RYR2: variants seen among roughly 807,000 people sequenced by gnomAD.
The protein encoded by RYR2 is cardiac muscle ryanodine receptor-calcium release channel.
A neutral mutation model predicts 601.1 loss-of-function variants in RYR2; 227 were observed. The observed-to-expected ratio is 0.38, with a 90% CI of 0.34 to 0.42. The LOEUF (loss-of-function observed/expected upper bound fraction) is 0.42. Among genes scored for constraint, RYR2 ranks in the 10% least tolerant of loss-of-function variants. The probability of loss-of-function intolerance (pLI) is 1.00; values close to 1 mark genes in which losing one functional copy is unlikely to be tolerated. For synonymous variants in RYR2, 2,223 were observed against 2,175.1 expected (o/e 1.02, Z -0.61); for missense variants, 4,646 against 6,156.5 (o/e 0.75, Z 8.21).
chr1:237,658,055 CATT>C (rs758321832), intron 54 of RYR2, 33 bp downstream of exon 54: 17 of 1,212,942 alleles, frequency 1.4e-5, no homozygotes, highest in Admixed American at 7.9e-5. Flanking sequence ...ATTCAGTAGT[CATT>C]ATTAATGACT....
intron 33 of RYR2, among the ~76,000 whole-genome samples, chr1:237,594,886 G>GTTTTTTTTTTGTTTTTTTT: frequency 1.7e-5 from 1 of 60,420 alleles, no homozygotes; most frequent in East Asian, 9.0e-4. Context: ...ATATCACTGG[G>GTTTTTTTTTTGTTTTTTTT]TTTTTTTTTT....
At chr1:237,374,108 A>G (rs1210142838) in intron 6 of RYR2, among the ~76,000 whole-genome samples, 1 of 152,186 alleles carries the variant, frequency 6.6e-6, no homozygotes, top group Non-Finnish European at 1.5e-5. Context: ...TGCCTCACAG[A>G]CATTTAAAAA....
chr1:237,132,931 G>A (rs10737813), intron 1 of RYR2, among the ~76,000 whole-genome samples: 79,927 of 151,522 alleles, frequency 0.53, 21,827 homozygotes, highest in Admixed American at 0.6. Flanking sequence ...TGTTCAGGTA[G>A]AGTTGGGTTT....
Position 237,639,310 on chromosome 1 carries a change from A to G in RYR2, c.7115+109A>G, listed in dbSNP as rs368300040. 45 of 1,067,314 alleles carry G rather than the reference A, an allele frequency of 4.2e-5. No homozygotes were observed. In the South Asian group the frequency reaches 9.5e-4, roughly 23 times the overall value. The allele number at this position is 1,067,314 out of a possible 1,614,324, so 66.1% of individuals were successfully genotyped here. ...TGTAATATAACTTGTGGTACAGAAG[A>G]TTTCTCCCTTTGAAAATATAATGTC... On this transcript the variant is annotated intron_variant, in intron 46 of 104. Transcript: ENST00000366574.
At chr1:237,154,900 G>A (rs1675136815) in intron 1 of RYR2, among the ~76,000 whole-genome samples, 1 of 152,072 alleles carries the variant, frequency 6.6e-6, no homozygotes, top group South Asian at 2.1e-4. Context: ...CACCATTCTT[G>A]TCAGCAATAA....
Position 237,625,789 on chromosome 1 carries a change from G to T in RYR2, c.6151G>T (p.Asp2051Tyr), listed in dbSNP as rs1573191225. 19 of 1,613,436 alleles carry T rather than the reference G, an allele frequency of 1.2e-5. No homozygotes were observed. Among genetic ancestry groups the T allele is most frequent in the Non-Finnish European group, 1.6e-5 (19 of 1,179,682 alleles). ...KKQAEKPVES[D>Y]SKKSSTLQQL... ...GCAAGCAGAAAAACCAGTTGAGAGT[G>T]ACTCCAAAAAGTCCTGTAAGCAGTA... is the stretch of plus-strand genomic sequence containing the variant. Residue 2051 changes from aspartate (D) to tyrosine (Y), a missense_variant, in exon 40 of 105, where the codon GAC (aspartate) becomes TAC (tyrosine). Asp to Tyr is a radical substitution (Grantham distance 160). Transcript: ENST00000366574.
At chr1:237,263,494 T>C (rs1225301315) in intron 1 of RYR2, among the ~76,000 whole-genome samples, 1 of 152,206 alleles carries the variant, frequency 6.6e-6, no homozygotes, top group Non-Finnish European at 1.5e-5. Flanking sequence ...TGTCTGCAAG[T>C]AACATCACTG....
chr1:237,101,362 A>G (rs978510781), intron 1 of RYR2, among the ~76,000 whole-genome samples: 3 of 151,034 alleles, frequency 2.0e-5, no homozygotes, highest in African/African-American at 7.3e-5. Context: ...TGCAGGCACA[A>G]TATGTAGTCT....
At chr1:237,250,244 C>T (rs965177486) in intron 1 of RYR2, among the ~76,000 whole-genome samples, 2 of 152,150 alleles carry the variant, frequency 1.3e-5, no homozygotes, top group African/African-American at 2.4e-5. Context: ...TGTCTTAGAC[C>T]TGTGTTAACA....
At chr1:237,052,306 A>G (rs762947119) in intron 1 of RYR2, among the ~76,000 whole-genome samples, 4 of 152,220 alleles carry the variant, frequency 2.6e-5, no homozygotes, top group Non-Finnish European at 5.9e-5. Context: ...AGGGTCCAAA[A>G]GGTGAAGAGA....
chr1:237,532,791 G>C (rs1352085433), intron 25 of RYR2, among the ~76,000 whole-genome samples: 1 of 152,072 alleles, frequency 6.6e-6, no homozygotes, highest in Non-Finnish European at 1.5e-5. Context: ...CTTATTTCAT[G>C]TATAGATTCT....
intron 1 of RYR2, among the ~76,000 whole-genome samples, chr1:237,054,534 G>A (rs1661732927): frequency 6.6e-6 from 1 of 152,022 alleles, no homozygotes; most frequent in African/African-American, 2.4e-5. Context: ...TATAGAAAAT[G>A]CAAATTGTGT....
chr1:237,519,317 C>A (rs922134156), intron 24 of RYR2, among the ~76,000 whole-genome samples: 2 of 152,070 alleles, frequency 1.3e-5, no homozygotes, highest in Non-Finnish European at 2.9e-5. Flanking sequence ...GTTTTTGTTG[C>A]CTGGGTTTTT....
At chr1:237,380,803 C>T (rs1399286189) in intron 8 of RYR2, among the ~76,000 whole-genome samples, 3 of 151,898 alleles carry the variant, frequency 2.0e-5, no homozygotes, top group African/African-American at 7.3e-5. Flanking sequence ...TTAGGCCAGG[C>T]GCGGTGGCTC....
intron 1 of RYR2, among the ~76,000 whole-genome samples, chr1:237,155,260 C>T (rs1048053361): frequency 4.7e-5 from 7 of 148,368 alleles, no homozygotes; most frequent in Non-Finnish European, 8.9e-5. Flanking sequence ...ACTGCAATCT[C>T]CACCTCCCGA....
chr1:237,491,764 T>A (rs770274771), intron 17 of RYR2, 42 bp from the exon 18 acceptor site: 86 of 910,190 alleles, frequency 9.4e-5, no homozygotes, highest in Non-Finnish European at 1.5e-4. Context: ...GTACACCAAT[T>A]AATCATGTGT....
Position 237,388,071 on chromosome 1 carries a change from T to A in RYR2, c.677-16T>A. On this transcript the variant is annotated splice_polypyrimidine_tract_variant and intron_variant, in intron 9 of 104. Transcript: ENST00000366574. The stretch of plus-strand genomic sequence containing the variant: ...ACACTGACAGTCCAGACCTGAATGA[T>A]TTTTTATCCTTACAGGGTATCTCAT... 6.2e-7 allele frequency: 1 copy of A among 1,609,484 alleles called. No homozygotes were observed. The highest frequency in any genetic ancestry group is 8.5e-7 in the Non-Finnish European group (1 of 1,176,392).
At chr1:237,356,706 G>A (rs2149695516) in intron 4 of RYR2, among the ~76,000 whole-genome samples, 1 of 152,136 alleles carries the variant, frequency 6.6e-6, no homozygotes, top group Non-Finnish European at 1.5e-5. Flanking sequence ...TTCCTTATCT[G>A]TTAGGAAAAA....
chr1:237,813,459 G>A (rs1016207747), intron 100 of RYR2, among the ~76,000 whole-genome samples: 1 of 152,172 alleles, frequency 6.6e-6, no homozygotes, highest in African/African-American at 2.4e-5. Flanking sequence ...TCTTCCTTTT[G>A]TACCACAGGG....
Sources: gnomAD v4.1 joint callset for allele counts (sites outside exome capture counted in the v4.1 genomes callset) on GRCh38, gnomAD v4.1.1 for gene constraint, MANE v1.5 for transcripts, NCBI Gene and HGNC (gene_info 2026-07-23, HGNC 2026-07-21) for gene names.